PEAK1: variants seen among roughly 807,000 people sequenced by gnomAD.
PEAK1 encodes pseudopodium enriched atypical kinase 1.
Under a neutral mutation model 124.7 loss-of-function variants are expected in PEAK1, and 54 were observed. The ratio of observed to expected loss-of-function variants is 0.43; its 90% CI spans 0.35 to 0.54. The LOEUF is 0.54. PEAK1 is among the 20% of genes least tolerant of loss of function. PEAK1 has a pLI of 0.01. For missense variants in PEAK1, 2,046 were observed against 2,134.5 expected, an observed-to-expected ratio of 0.96 and a Z score of 0.82; for synonymous variants, 719 against 760.0, an observed-to-expected ratio of 0.95 and a Z score of 0.89.
intron 6 of PEAK1, among the ~76,000 whole-genome samples, chr15:77,223,124 G>C (rs989574516): frequency 6.6e-6 from 1 of 151,992 alleles, no homozygotes; most frequent in East Asian, 1.9e-4. Flanking sequence ...CTGGTCTAAA[G>C]AGCTAGAAAT....
At chr15:77,243,865 G>C (rs560901162) in intron 6 of PEAK1, among the ~76,000 whole-genome samples, 1 of 152,196 alleles carries the variant, frequency 6.6e-6, no homozygotes, top group Non-Finnish European at 1.5e-5. Flanking sequence ...CTACTCGGGA[G>C]GCTGAGGCAG....
chr15:77,398,135 G>C (rs1450447977), intron 1 of PEAK1, among the ~76,000 whole-genome samples: 1 of 152,086 alleles, frequency 6.6e-6, no homozygotes, highest in Admixed American at 6.6e-5. Context: ...GCAAAGAAAA[G>C]CTCAGGACTC....
intron 6 of PEAK1, among the ~76,000 whole-genome samples, chr15:77,201,131 G>A (rs1343138976): frequency 1.3e-5 from 2 of 151,530 alleles, no homozygotes; most frequent in Non-Finnish European, 2.9e-5. Flanking sequence ...TGATTTCAGG[G>A]AACAGATTAG....
intron 2 of PEAK1, among the ~76,000 whole-genome samples, chr15:77,306,499 G>C (rs1030233497): frequency 1.3e-5 from 2 of 152,138 alleles, no homozygotes; most frequent in African/African-American, 4.8e-5. Flanking sequence ...TGTATTTCTA[G>C]TTCCAGAGAA....
At position 77,167,673 on chromosome 15, in the gene PEAK1, G is replaced by A. The variant is rs190806152; in HGVS notation, c.3138-8977C>T. Among the ~76,000 whole-genome samples the A allele has an allele frequency of 3.4e-4, 51 of 152,218 alleles. No individual in the cohort carries two copies. The South Asian group carries it at 9.1e-3, about 27-fold the overall frequency. ...GAAGTTTGATCTTGGGGCCAGTTTC[G>A]TCCTAAGCATGAAAAGACAACTTTG... On this transcript the variant is annotated intron_variant, in intron 7 of 9. Transcript: ENST00000682557.
At chr15:77,416,032 C>G (rs983186833) in intron 1 of PEAK1, among the ~76,000 whole-genome samples, 2 of 152,172 alleles carry the variant, frequency 1.3e-5, no homozygotes, top group African/African-American at 2.4e-5. Context: ...AACACCCACC[C>G]CCATGCATTA....
chr15:77,153,211 G>C (rs1031128757), intron 8 of PEAK1, among the ~76,000 whole-genome samples: 1 of 152,142 alleles, frequency 6.6e-6, no homozygotes, highest in Non-Finnish European at 1.5e-5. Flanking sequence ...TCCTGGTTTA[G>C]TCTTGGATGG....
In PEAK1 at chr15:77,115,059, C is replaced by T. The variant is rs1261320986; in HGVS notation, c.4338G>A (p.Glu1446=). The T allele has an allele frequency of 6.2e-7, 1 of 1,614,034 alleles. No homozygotes were observed. Among genetic ancestry groups the T allele is most frequent in the East Asian group, 2.2e-5 (1 of 44,882 alleles). ...GCTTCTTGCTCATGACTCCCTGATT[C>T]TCTTTCTGGGATGATGCTGCTTCAG... ...PCSEAASSQK[E]NQGVMSKKQR... is the part of the protein sequence containing the mutation. Residue 1446 remains glutamate, a synonymous_variant, in exon 10 of 10, where the codon GAG becomes GAA. Coordinates refer to ENST00000682557, the MANE Select transcript of PEAK1 (RefSeq NM_001385026.1).
At position 77,286,853 on chromosome 15, in the gene PEAK1, C is replaced by T. The variant is rs146749846; in HGVS notation, c.-602-349G>A. 5.0e-3 allele frequency among the ~76,000 whole-genome samples: 758 copies of T among 152,274 alleles called. 4 individuals are homozygous for T. The highest frequency in any genetic ancestry group is 0.017 in the African/African-American group (699 of 41,548). On this transcript the variant is annotated intron_variant, in intron 2 of 9. Transcript: ENST00000682557. ...CAGTGTAGTTTATTATAATACATTA[C>T]ACAAAAATACTTCTGGTTCCTACAG...
chr15:77,104,028 C>T (rs1015548567), downstream of PEAK1: 1 of 152,418 alleles, frequency 6.6e-6, no homozygotes, highest in African/African-American at 2.4e-5. Context: ...GAGCAAACAC[C>T]CATAGGCCTG....
At chr15:77,200,548 T>C (rs540181580) in intron 6 of PEAK1, among the ~76,000 whole-genome samples, 2 of 152,340 alleles carry the variant, frequency 1.3e-5, no homozygotes, top group South Asian at 4.1e-4. Context: ...TTTATAAACA[T>C]ATTAAAGTTT....
At chr15:77,347,675 C>A in intron 2 of PEAK1, 1 of 973,522 alleles carries the variant, frequency 1.0e-6, no homozygotes, top group Non-Finnish European at 1.2e-6. Context: ...ACAACACCCT[C>A]CTAAAACAGA....
Position 77,145,050 on chromosome 15 carries a change from A to G in PEAK1, c.3332-11300T>C, listed in dbSNP as rs536854515. ...TCTAAATCTTGCCTTGCTATATGCT[A>G]AAAACATTCTTTTGGACAAATATGT... On this transcript the variant is annotated intron_variant, in intron 8 of 9. Transcript: ENST00000682557. Among the ~76,000 whole-genome samples, 39 of 152,340 alleles carry G rather than the reference A, an allele frequency of 2.6e-4. 1 individual carries two copies. The highest frequency in any genetic ancestry group is 7.7e-4 in the African/African-American group (32 of 41,590).
intron 2 of PEAK1, among the ~76,000 whole-genome samples, chr15:77,354,253 A>G (rs891447467): frequency 1.3e-5 from 2 of 152,168 alleles, no homozygotes; most frequent in Admixed American, 6.5e-5. Flanking sequence ...ATAGTGCCAC[A>G]CCCATTAAAT....
At chr15:77,127,115 G>A (rs2052442179) in intron 9 of PEAK1, among the ~76,000 whole-genome samples, 2 of 151,390 alleles carry the variant, frequency 1.3e-5, no homozygotes, top group African/African-American at 2.4e-5. Flanking sequence ...AGACACTGGG[G>A]CGTGCTTGCA....
intron 5 of PEAK1, 51 bp from the exon 6 acceptor site, chr15:77,252,577 T>C (rs557501416): frequency 1.1e-6 from 1 of 901,412 alleles, no homozygotes; most frequent in South Asian, 5.1e-5. Context: ...TAATTTCAAA[T>C]ATATTGGACA....
chr15:77,195,992 G>GCAAGGCT (rs2058084168), intron 6 of PEAK1, among the ~76,000 whole-genome samples: 1 of 152,208 alleles, frequency 6.6e-6, no homozygotes, highest in Non-Finnish European at 1.5e-5. Context: ...TTCATGCTAA[G>GCAAGGCT]CAGCTGGTGA....
chr15:77,250,498 T>C (rs2060829624), intron 6 of PEAK1, among the ~76,000 whole-genome samples: 1 of 151,988 alleles, frequency 6.6e-6, no homozygotes, highest in South Asian at 2.1e-4. Context: ...AGTGGCGCAA[T>C]CTCAGCTCAC....
At chr15:77,233,169 C>G (rs1250067015) in intron 6 of PEAK1, among the ~76,000 whole-genome samples, 1 of 152,222 alleles carries the variant, frequency 6.6e-6, no homozygotes, top group Non-Finnish European at 1.5e-5. Context: ...CGGTTTCCCT[C>G]TAAGTACCAC....
Sources: gnomAD v4.1 joint callset for allele counts (sites outside exome capture counted in the v4.1 genomes callset) on GRCh38, gnomAD v4.1.1 for gene constraint, MANE v1.5 for transcripts, NCBI Gene and HGNC (gene_info 2026-07-23, HGNC 2026-07-21) for gene names.